Variants in YTHDC1 observed in about 807,000 individuals in gnomAD.
The protein encoded by YTHDC1 is YTH N6-methyladenosine RNA binding protein C1.
A neutral mutation model predicts 107.0 loss-of-function variants in YTHDC1; 12 were observed. The ratio of observed to expected loss-of-function variants is 0.11; its 90% CI spans 0.07 to 0.18. The LOEUF (loss-of-function observed/expected upper bound fraction) is 0.18. Ranked by LOEUF, YTHDC1 falls within the 10% of genes least tolerant of loss-of-function variation. The probability of loss-of-function intolerance (pLI) is 1.00; values close to 1 mark genes in which losing one functional copy is unlikely to be tolerated. For missense variants in YTHDC1, 635 were observed against 898.8 expected, an observed-to-expected ratio of 0.71 and a Z score of 3.75; for synonymous variants, 280 against 289.5, an observed-to-expected ratio of 0.97 and a Z score of 0.33.
At chr4:68,342,470 G>C (rs1207402653) in intron 1 of YTHDC1, among the ~76,000 whole-genome samples, 6 of 152,140 alleles carry the variant, frequency 3.9e-5, no homozygotes, top group Non-Finnish European at 8.8e-5. Context: ...AGCTTACCTA[G>C]CTTCAAACAG....
intron 9 of YTHDC1, among the ~76,000 whole-genome samples, chr4:68,328,550 TTGA>T (rs2109706720): frequency 6.6e-6 from 1 of 152,364 alleles, no homozygotes; most frequent in Admixed American, 6.5e-5. Flanking sequence ...CCTTTCCATG[TTGA>T]TATGTGCACA....
At chr4:68,318,192 G>A (rs1287166029) in intron 15 of YTHDC1, among the ~76,000 whole-genome samples, 1 of 152,196 alleles carries the variant, frequency 6.6e-6, no homozygotes, top group East Asian at 1.9e-4. Context: ...CTGCCTCCTG[G>A]GTTGAAGCAA....
At chr4:68,316,729 C>G (rs900459983) in intron 15 of YTHDC1, among the ~76,000 whole-genome samples, 2 of 152,148 alleles carry the variant, frequency 1.3e-5, no homozygotes, top group Admixed American at 6.6e-5. Context: ...GTTCTAAGCA[C>G]TTTACTAGTC....
chr4:68,331,060 C>T (rs1054784545), intron 7 of YTHDC1, among the ~76,000 whole-genome samples: 1 of 152,066 alleles, frequency 6.6e-6, no homozygotes, highest in Non-Finnish European at 1.5e-5. Flanking sequence ...ATGCTCAAGT[C>T]CCTTATATAA....
chr4:68,343,518 A>G (rs1217673568), intron 1 of YTHDC1, among the ~76,000 whole-genome samples: 1 of 144,618 alleles, frequency 6.9e-6, no homozygotes. Context: ...AATCACTTAA[A>G]ATCTTTAAAA....
At position 68,316,371 on chromosome 4, in the gene YTHDC1, G is replaced by A. The variant is rs61746439; in HGVS notation, c.1902C>T (p.Pro634=). Reference sequence around the variant, plus strand: ...GTACTGGATGATGTCCTGAGTAAGGGGGATGAGCTTGAGGAGGTGGAGCAT... The same window carrying A: ...GTACTGGATGATGTCCTGAGTAAGGAGGATGAGCTTGAGGAGGTGGAGCAT... The part of the protein sequence containing the change: ...QHHAPPPQAH[P]PYSGHHPVPH... Residue 634 remains proline, a synonymous_variant, in exon 16 of 17, where the codon CCC becomes CCT. Transcript: ENST00000344157. 5.7e-4 allele frequency: 912 copies of A among 1,614,036 alleles called. 5 individuals carry two copies. The African/African-American group carries it at 0.01, about 18-fold the overall frequency.
rs1721302016 is a variant in YTHDC1, at chr4:68,311,516, T to C, written c.*2583A>G. 2.0e-5 allele frequency: 3 copies of C among 152,198 alleles called. No individual in the cohort carries two copies. Among genetic ancestry groups the C allele is most frequent in the Admixed American group, 2.0e-4 (3 of 15,274 alleles). 9.4% of individuals were successfully genotyped at this position (152,198 alleles called of 1,614,324 possible). On this transcript the variant is annotated 3_prime_UTR_variant, in exon 17 of 17. Coordinates refer to ENST00000344157, the MANE Select transcript of YTHDC1 (RefSeq NM_001031732.4). ...ACAGTGGAGTACACGAAAGAAACCA[T>C]GTCTTCTCACAGTGACAAAAGCTGT...
intron 1 of YTHDC1, among the ~76,000 whole-genome samples, chr4:68,343,749 G>A (rs1192603593): frequency 4.0e-5 from 6 of 150,916 alleles, no homozygotes; most frequent in East Asian, 1.9e-4. Flanking sequence ...TGTTGGCCAT[G>A]CTGGTCTTGA....
At chr4:68,348,211 G>A (rs1725662766) in intron 1 of YTHDC1, among the ~76,000 whole-genome samples, 1 of 151,958 alleles carries the variant, frequency 6.6e-6, no homozygotes, top group African/African-American at 2.4e-5. Context: ...CTCTATTAAC[G>A]ACTTGTAAAT....
Position 68,350,029 on chromosome 4 carries a change from C to A in YTHDC1, c.-276G>T. 1.8e-6 allele frequency: 1 copy of A among 547,626 alleles called. No individual in the cohort carries two copies. The highest frequency in any genetic ancestry group is 3.2e-6 in the Non-Finnish European group (1 of 308,322). 33.9% of individuals were successfully genotyped at this position (547,626 alleles called of 1,614,324 possible). Reference sequence around the variant, plus strand: ...TGGGGGAGGGAAGGGAAACAGATGGCGACGGCGGGCGGCGCTAAAATGGAG... The same window carrying A: ...TGGGGGAGGGAAGGGAAACAGATGGAGACGGCGGGCGGCGCTAAAATGGAG... On this transcript the variant is annotated 5_prime_UTR_variant, in exon 1 of 17. Transcript: ENST00000344157.
At chr4:68,345,821 G>C (rs905222313) in intron 1 of YTHDC1, among the ~76,000 whole-genome samples, 1 of 151,906 alleles carries the variant, frequency 6.6e-6, no homozygotes, top group African/African-American at 2.4e-5. Flanking sequence ...TCATCATTTT[G>C]ATGTTCAGAT....
chr4:68,327,941 C>T (rs1723175086), intron 9 of YTHDC1, among the ~76,000 whole-genome samples: 1 of 151,910 alleles, frequency 6.6e-6, no homozygotes, highest in Non-Finnish European at 1.5e-5. Context: ...CTAGGTAAAC[C>T]CATAAACTTA....
rs1721571310 is a variant in YTHDC1, at chr4:68,314,250, G to T, written c.2033C>A (p.Pro678His). 6.2e-7 allele frequency: 1 copy of T among 1,613,850 alleles called. No individual in the cohort carries two copies. Among genetic ancestry groups the T allele is most frequent in the Non-Finnish European group, 8.5e-7 (1 of 1,179,970 alleles). ...QAVVSGRRSR[P>H]RERDRERERD... Reference sequence around the variant, plus strand: ...CTCTCGTTCCCGGTCTCTTTCACGGGGTCTACTTCTCCGGCCACTGACAAC... The same window carrying T: ...CTCTCGTTCCCGGTCTCTTTCACGGTGTCTACTTCTCCGGCCACTGACAAC... Residue 678 changes from proline (P) to histidine (H), a missense_variant, in exon 17 of 17, where the codon CCC (proline) becomes CAC (histidine). Physicochemically the swap from Pro to His is moderately conservative, Grantham distance 77. Transcript: ENST00000344157.
intron 1 of YTHDC1, among the ~76,000 whole-genome samples, chr4:68,349,402 T>G (rs988818339): frequency 6.6e-6 from 1 of 152,156 alleles, no homozygotes; most frequent in African/African-American, 2.4e-5. Flanking sequence ...ATCCGCATGA[T>G]CCTACCAGGA....
intron 7 of YTHDC1, 37 bp from the exon 8 acceptor site, chr4:68,330,347 A>C: frequency 1.5e-6 from 2 of 1,353,860 alleles, no homozygotes; most frequent in Non-Finnish European, 2.0e-6. Context: ...AGTGAAATTA[A>C]CTACAACTCT....
Position 68,349,910 on chromosome 4 carries a change from T to C in YTHDC1, c.-157A>G. On this transcript the variant is annotated 5_prime_UTR_variant, in exon 1 of 17. Transcript: ENST00000344157. ...CCTCTTAACACTCAGCCTTCTCGAC[T>C]CTTCCCGCTTTTTCCCTTTCTCCCT... 3 of 969,944 alleles carry C rather than the reference T, an allele frequency of 3.1e-6. No individual in the cohort carries two copies. Among genetic ancestry groups the C allele is most frequent in the Non-Finnish European group, 4.7e-6 (3 of 641,348 alleles). The allele number at this position is 969,944 out of a possible 1,614,324, so 60.1% of individuals were successfully genotyped here. A position where few individuals can be genotyped will look rare whatever the true frequency, so the allele number is the denominator to read the frequency against.
intron 7 of YTHDC1, among the ~76,000 whole-genome samples, chr4:68,330,677 T>C (rs927802520): frequency 6.6e-6 from 1 of 152,148 alleles, no homozygotes; most frequent in African/African-American, 2.4e-5. Context: ...CACTTAGAAG[T>C]TAGTCTTCTT....
chr4:68,318,648 C>T (rs1722121106), intron 14 of YTHDC1, 42 bp downstream of exon 14: 1 of 1,606,238 alleles, frequency 6.2e-7, no homozygotes, highest in South Asian at 1.1e-5. Context: ...TAAATCAGAG[C>T]CTGATTTTAT....
At position 68,329,992 on chromosome 4, in the gene YTHDC1, T is replaced by C. The variant is rs1373126582; in HGVS notation, c.1349+10A>G. On this transcript the variant is annotated intron_variant, in intron 9 of 16. Coordinates refer to ENST00000344157, the MANE Select transcript of YTHDC1 (RefSeq NM_001031732.4). ...AATTTCAGTTATCTATACTGAAGTG[T>C]ATAATTTACCTGCAAATCCAGTCAA... The C allele has an allele frequency of 1.2e-6, 2 of 1,600,666 alleles. No homozygotes were observed. The highest frequency in any genetic ancestry group is 1.7e-6 in the Non-Finnish European group (2 of 1,168,140).
Sources: gnomAD v4.1 joint callset for allele counts (sites outside exome capture counted in the v4.1 genomes callset) on GRCh38, gnomAD v4.1.1 for gene constraint, MANE v1.5 for transcripts, NCBI Gene and HGNC (gene_info 2026-07-23, HGNC 2026-07-21) for gene names.